Variants in RGS7 observed in about 807,000 individuals in gnomAD.
The protein encoded by RGS7 is regulator of G-protein signaling 7.
In RGS7, 27 loss-of-function variants were observed where a neutral mutation model predicts 81.1. The observed-to-expected ratio is 0.33, with a 90% CI of 0.25 to 0.46. RGS7 has a LOEUF of 0.46. Ranked by LOEUF, RGS7 falls within the 20% of genes least tolerant of loss-of-function variation. RGS7 has a pLI of 1.00. For missense variants in RGS7, 396 were observed against 607.4 expected (o/e 0.65, Z 3.66); for synonymous variants, 208 against 207.7 (o/e 1.00, Z -0.01).
chr1:241,167,644 G>C (rs746141552), intron 2 of RGS7, among the ~76,000 whole-genome samples: 1 of 151,942 alleles, frequency 6.6e-6, no homozygotes, highest in Non-Finnish European at 1.5e-5. Flanking sequence ...TCAGCCTCAT[G>C]AGTAGCTGGG....
chr1:241,074,494 T>C (rs2062678116), intron 3 of RGS7, among the ~76,000 whole-genome samples: 1 of 152,208 alleles, frequency 6.6e-6, no homozygotes, highest in African/African-American at 2.4e-5. Context: ...AAGCTTCAGG[T>C]ACAGCTGGAG....
chr1:240,983,956 T>G (rs1030687473), intron 3 of RGS7, among the ~76,000 whole-genome samples: 1 of 152,206 alleles, frequency 6.6e-6, no homozygotes. Flanking sequence ...AAACAATGTT[T>G]GAGCTAGATT....
intron 18 of RGS7, among the ~76,000 whole-genome samples, chr1:240,791,126 C>T (rs952072199): frequency 6.6e-6 from 1 of 152,024 alleles, no homozygotes; most frequent in Admixed American, 6.6e-5. Context: ...TTTTTTCCCC[C>T]AGGAATAATA....
chr1:241,302,553 C>A (rs1286161196), intron 2 of RGS7, among the ~76,000 whole-genome samples: 1 of 151,946 alleles, frequency 6.6e-6, no homozygotes, highest in Non-Finnish European at 1.5e-5. Context: ...TGTCTCAAAA[C>A]AAACAAACAA....
intron 10 of RGS7, among the ~76,000 whole-genome samples, chr1:240,821,915 T>C (rs552430229): frequency 1.2e-4 from 19 of 152,306 alleles, no homozygotes; most frequent in Admixed American, 3.3e-4. Flanking sequence ...GATGCTCTTA[T>C]CATTTCCCTC....
intron 2 of RGS7, among the ~76,000 whole-genome samples, chr1:241,169,860 A>C (rs1269378177): frequency 6.6e-6 from 1 of 152,076 alleles, no homozygotes; most frequent in Non-Finnish European, 1.5e-5. Flanking sequence ...GTGTGAGTGC[A>C]TTTATAACAA....
rs375080922 is a variant in RGS7, at chr1:241,337,120, C to T, written c.78+18579G>A. Among the ~76,000 whole-genome samples the T allele has an allele frequency of 4.6e-5, 7 of 152,254 alleles. No homozygotes were observed. In the East Asian group the frequency reaches 1.2e-3, roughly 25 times the overall value. ...TAGGCCTCATTTTCCTCATTTGTAG[C>T]ATGGAGAGATGACACTCACCTTACT... On this transcript the variant is annotated intron_variant, in intron 2 of 18. Coordinates refer to ENST00000440928, the MANE Select transcript of RGS7 (RefSeq NM_001364886.1).
intron 6 of RGS7, among the ~76,000 whole-genome samples, chr1:240,874,838 C>CATTGAGCTCAG (rs1558394226): frequency 6.6e-6 from 1 of 152,008 alleles, no homozygotes; most frequent in Non-Finnish European, 1.5e-5. Flanking sequence ...CTCAGGAGCT[C>CATTGAGCTCAG]GAGACCAACC....
chr1:241,207,462 C>A (rs984079871), intron 2 of RGS7, among the ~76,000 whole-genome samples: 1 of 151,668 alleles, frequency 6.6e-6, no homozygotes, highest in African/African-American at 2.4e-5. Context: ...TACTAAACAC[C>A]TATATATTCC....
At chr1:240,889,713 T>G (rs908607888) in intron 6 of RGS7, among the ~76,000 whole-genome samples, 1 of 152,208 alleles carries the variant, frequency 6.6e-6, no homozygotes, top group African/African-American at 2.4e-5. Context: ...TAGTTTTTTG[T>G]TGTTGTTCCA....
chr1:240,920,332 TTGGTGGCAGCTGTTGTGGTGGTGGATA>T (rs1215372191), intron 6 of RGS7: 1 of 1,516,420 alleles, frequency 6.6e-7, no homozygotes, highest in Non-Finnish European at 9.0e-7. Context: ...CATGGTGGCT[TTGGTGGCAGCTGTTGTGGTGGTGGATA>T]TGGTGGCAGT....
At chr1:240,823,141 G>C in intron 10 of RGS7, 1 of 1,164,246 alleles carries the variant, frequency 8.6e-7, no homozygotes, top group Non-Finnish European at 1.3e-6. Context: ...GCCAACAATG[G>C]CCACATTGGG....
chr1:240,850,457 T>C (rs147490204), intron 9 of RGS7, among the ~76,000 whole-genome samples: 387 of 152,298 alleles, frequency 2.5e-3, no homozygotes, highest in African/African-American at 7.9e-3. Flanking sequence ...TGATAAATAT[T>C]GTGTGTGATC....
chr1:240,957,287 C>A (rs370435063), intron 4 of RGS7, among the ~76,000 whole-genome samples: 23 of 152,320 alleles, frequency 1.5e-4, no homozygotes, highest in East Asian at 5.8e-4. Flanking sequence ...CTTTTGGACT[C>A]TTGGACTTAC....
At chr1:241,052,593 C>T (rs868138197) in intron 3 of RGS7, among the ~76,000 whole-genome samples, 4 of 152,264 alleles carry the variant, frequency 2.6e-5, no homozygotes, top group South Asian at 2.1e-4. Context: ...TCACTCCTCC[C>T]TCTGATGACC....
chr1:240,912,150 CAAAAAAAAAAAAA>C lies in RGS7; in HGVS notation c.385+18554_385+18566del, dbSNP rs374318547. 5.4e-3 allele frequency among the ~76,000 whole-genome samples: 301 copies of C among 55,822 alleles called. 4 individuals carry two copies. The highest frequency in any genetic ancestry group is 0.026 in the African/African-American group (294 of 11,448). The allele number at this position is 55,822 out of a possible 152,430, so 36.6% of individuals were successfully genotyped here. A position where few individuals can be genotyped will look rare whatever the true frequency, so the allele number is the denominator to read the frequency against. Reference sequence around the variant, plus strand: ...TGGGCGACACAGCGAGATTCTGTCTCAAAAAAAAAAAAAAAAAAAAAAAAAAAGATTTTCTGTG... The same window carrying C: ...TGGGCGACACAGCGAGATTCTGTCTCAAAAAAAAAAAAAAGATTTTCTGTG... On this transcript the variant is annotated intron_variant, in intron 6 of 18. Coordinates refer to ENST00000440928, the MANE Select transcript of RGS7 (RefSeq NM_001364886.1).
In RGS7 at chr1:241,144,964, T is replaced by TGTGTGTGTGTGTGTGTGTGTGTGTGTG. The variant is rs1479399427; in HGVS notation, c.79-46203_79-46202insCACACACACACACACACACACACACAC. Among the ~76,000 whole-genome samples, 23 of 144,504 alleles carry TGTGTGTGTGTGTGTGTGTGTGTGTGTG rather than the reference T, an allele frequency of 1.6e-4. No homozygotes were observed. The highest frequency in any genetic ancestry group is 6.0e-4 in the African/African-American group (22 of 36,924). The allele number at this position is 144,504 out of a possible 152,430, so 94.8% of individuals were successfully genotyped here. ...GTGTGTGTGTGTGTGTGTGTGTGTG[T>TGTGTGTGTGTGTGTGTGTGTGTGTGTG]TCGTGTTCATTCTTCCTGTTCCTGT... On this transcript the variant is annotated intron_variant, in intron 2 of 18. Transcript: ENST00000440928. This position sits in a 1 kb window ranked among gnomAD's most constrained non-coding sequence, Gnocchi z 4.7.
chr1:241,338,670 C>T (rs1176111173), intron 2 of RGS7, among the ~76,000 whole-genome samples: 1 of 150,288 alleles, frequency 6.7e-6, no homozygotes, highest in Non-Finnish European at 1.5e-5. Context: ...AATAACTATC[C>T]TATTAATTTT....
At chr1:241,214,663 T>G (rs753297696) in intron 2 of RGS7, among the ~76,000 whole-genome samples, 3 of 152,180 alleles carry the variant, frequency 2.0e-5, no homozygotes, top group African/African-American at 4.8e-5. Flanking sequence ...ATACTGTCCC[T>G]CAGATCATTG....
Sources: allele counts gnomAD v4.1 joint callset (sites outside exome capture counted in the v4.1 genomes callset), GRCh38; gene constraint gnomAD v4.1.1; non-coding constraint Gnocchi (gnomAD v3.1); transcripts MANE v1.5; gene names NCBI Gene and HGNC (gene_info 2026-07-23, HGNC 2026-07-21).